TTC34: variants seen among roughly 807,000 people sequenced by gnomAD.
TTC34 encodes the protein tetratricopeptide repeat domain 34.
A neutral mutation model predicts 40.7 loss-of-function variants in TTC34; 44 were observed. The ratio of observed to expected loss-of-function variants is 1.08; its 90% CI spans 0.85 to 1.39. TTC34 has a LOEUF of 1.39. TTC34 is among the 40% of genes most tolerant of loss of function. The pLI is 0.00. For synonymous variants in TTC34, 422 were observed against 398.6 expected (o/e 1.06, Z -0.70); for missense variants, 884 against 838.0 (o/e 1.05, Z -0.68).
intron 6 of TTC34, among the ~76,000 whole-genome samples, chr1:2,683,714 C>A (rs1386198947): frequency 0.011 from 1,465 of 136,488 alleles, no homozygotes; most frequent in Middle Eastern, 0.019. Flanking sequence ...GCACCCACAC[C>A]CCCAGGTGAG....
At chr1:2,684,461 G>A (rs1383956418) in intron 6 of TTC34, among the ~76,000 whole-genome samples, 2 of 145,024 alleles carry the variant, frequency 1.4e-5, no homozygotes, top group Non-Finnish European at 3.1e-5. Context: ...CTGACGGCCT[G>A]CAACAGCACC....
At chr1:2,787,342 G>T in intron 4 of TTC34, 139 bp downstream of exon 4, 1 of 684,288 alleles carries the variant, frequency 1.5e-6, no homozygotes, top group Non-Finnish European at 2.2e-6. Flanking sequence ...TGCAGCAGGT[G>T]CAGAGCTGGG....
chr1:2,643,644 C>G (rs1638958742), intron 8 of TTC34, among the ~76,000 whole-genome samples: 2 of 151,968 alleles, frequency 1.3e-5, no homozygotes, highest in South Asian at 4.2e-4. Context: ...CAGCGTTGCT[C>G]TTCAGCTCGG....
exon 8 of TTC34, chr1:2,644,418 T>C (rs1638976891): frequency 1.3e-6 from 2 of 1,535,914 alleles, no homozygotes; most frequent in African/African-American, 2.7e-5. Flanking sequence ...CCGGGCTGCC[T>C]CTGACGTTGG....
intron 6 of TTC34, among the ~76,000 whole-genome samples, chr1:2,654,642 A>G (rs1639275475): frequency 6.6e-6 from 1 of 152,264 alleles, no homozygotes; most frequent in Non-Finnish European, 1.5e-5. Flanking sequence ...AGCCTGGAGC[A>G]GCACCCACAC....
chr1:2,644,624 C>T lies in TTC34; in HGVS notation c.2498-146G>A, dbSNP rs1570746060. On this transcript the variant is annotated intron_variant, in intron 7 of 8. Transcript: ENST00000401095. ...CAGCCCAGGAAGAAGGAGCTGGGAG[C>T]AGAGGTGCACCGTGATTCCAGGCAG... The T allele has an allele frequency of 1.3e-5, 11 of 836,054 alleles. No homozygotes were observed. The East Asian group carries it at 2.4e-4, about 18-fold the overall frequency. The allele number at this position is 836,054 out of a possible 1,614,324, so 51.8% of individuals were successfully genotyped here.
intron 6 of TTC34, among the ~76,000 whole-genome samples, chr1:2,655,581 T>G (rs201121279): frequency 0.013 from 778 of 61,390 alleles, 13 homozygotes; most frequent in Admixed American, 0.022. Flanking sequence ...AACCCCAGGT[T>G]AGCATCTGAC....
Position 2,681,104 on chromosome 1 carries a change from C to T in TTC34, c.2227-35541G>A, listed in dbSNP as rs1189828120. 5.8e-5 allele frequency among the ~76,000 whole-genome samples: 5 copies of T among 86,566 alleles called. 1 individual carries two copies. In the East Asian group the frequency reaches 8.1e-4, roughly 14 times the overall value. The allele number at this position is 86,566 out of a possible 152,430, so 56.8% of individuals were successfully genotyped here. A position where few individuals can be genotyped will look rare whatever the true frequency, so the allele number is the denominator to read the frequency against. On this transcript the variant is annotated intron_variant, in intron 6 of 8. Transcript: ENST00000401095. ...TGACAGCCTAGAGCAGTGCCCACAC[C>T]CCCAGGTGAGCATCTGACAGCGTGG...
chr1:2,688,461 C>G (rs1310057314), intron 6 of TTC34, among the ~76,000 whole-genome samples: 9 of 130,166 alleles, frequency 6.9e-5, no homozygotes, highest in African/African-American at 2.8e-4. Context: ...CCTAGGTGAA[C>G]ATCCGACATT....
intron 2 of TTC34, among the ~76,000 whole-genome samples, chr1:2,792,597 A>T (rs770990335): frequency 3.3e-5 from 5 of 152,188 alleles, no homozygotes; most frequent in Non-Finnish European, 7.3e-5. Flanking sequence ...TGGTGGACAG[A>T]GCTGAAGTCT....
At chr1:2,800,227 C>A in exon 2 of TTC34, 2 of 398,512 alleles carry the variant, frequency 5.0e-6, no homozygotes, top group Non-Finnish European at 8.9e-6. Context: ...CTGTGCCCAG[C>A]CTCCGGGTGC....
intron 2 of TTC34, among the ~76,000 whole-genome samples, chr1:2,795,128 A>G (rs577227229): frequency 9.6e-4 from 146 of 152,028 alleles, no homozygotes; most frequent in Non-Finnish European, 1.9e-3. Context: ...GTGTGTACCT[A>G]TAGTCCCAGC....
chr1:2,800,643 AG>A lies in TTC34; in HGVS notation c.184del (p.Leu62TrpfsTer24), dbSNP rs1476314814. 2 of 398,352 alleles carry A rather than the reference AG, an allele frequency of 5.0e-6. No homozygotes were observed. The allele number at this position is 398,352 out of a possible 1,614,324, so 24.7% of individuals were successfully genotyped here. A position where few individuals can be genotyped will look rare whatever the true frequency, so the allele number is the denominator to read the frequency against. On this transcript the variant is annotated frameshift_variant, in exon 2 of 9. Transcript: ENST00000401095. LOFTEE classifies it high-confidence loss of function. ...GCTGTCCCCGCGGCACCAGGACTCC[AG>A]GGTGGCCACCACCGCCGCCCCCCGA...
At chr1:2,759,924 C>CG (rs1641639183) in intron 6 of TTC34, among the ~76,000 whole-genome samples, 2 of 147,532 alleles carry the variant, frequency 1.4e-5, no homozygotes, top group African/African-American at 2.6e-5. Flanking sequence ...CCCTGCACCC[C>CG]CAGGTGAGCA....
intron 6 of TTC34, among the ~76,000 whole-genome samples, chr1:2,675,074 C>CAA (rs1639849643): frequency 7.9e-6 from 1 of 126,418 alleles, no homozygotes; most frequent in African/African-American, 2.8e-5. Flanking sequence ...AGGAGCAGTG[C>CAA]CCACACACCC....
At chr1:2,641,923 GGA>G in intron 8 of TTC34, 28 bp from the exon 9 acceptor site, 1 of 1,444,408 alleles carries the variant, frequency 6.9e-7, no homozygotes, top group South Asian at 1.4e-5. Flanking sequence ...AGAGAGGCAG[GGA>G]GAGTGGGGTC....
intron 6 of TTC34, among the ~76,000 whole-genome samples, chr1:2,778,664 A>T (rs1643406030): frequency 6.6e-6 from 1 of 152,224 alleles, no homozygotes; most frequent in African/African-American, 2.4e-5. Context: ...ACACCTGGGC[A>T]TATCCCCAGG....
intron 6 of TTC34, among the ~76,000 whole-genome samples, chr1:2,655,533 C>T (rs1237322299): frequency 7.3e-6 from 1 of 137,032 alleles, no homozygotes; most frequent in Admixed American, 7.6e-5. Context: ...AGCACGCACA[C>T]CCCCAGTGAG....
chr1:2,685,983 T>C (rs1294977280), intron 6 of TTC34, among the ~76,000 whole-genome samples: 5 of 108,278 alleles, frequency 4.6e-5, no homozygotes, highest in Middle Eastern at 7.9e-3. Context: ...TCTGACTGCA[T>C]GTATCAGCAC....
Sources: allele counts gnomAD v4.1 joint callset (sites outside exome capture counted in the v4.1 genomes callset), GRCh38; gene constraint gnomAD v4.1.1; transcripts MANE v1.5; gene names NCBI Gene and HGNC (gene_info 2026-07-23, HGNC 2026-07-21).